The following TOP1 variants were observed in gnomAD, a reference collection of about 807,000 sequenced individuals.
TOP1 encodes DNA topoisomerase 1.
A neutral mutation model predicts 111.1 loss-of-function variants in TOP1; 10 were observed. The ratio of observed to expected loss-of-function variants is 0.09; its 90% CI spans 0.06 to 0.15. TOP1 has a LOEUF of 0.15. Ranked by LOEUF, TOP1 falls within the 10% of genes least tolerant of loss-of-function variation. The pLI is 1.00. For synonymous variants in TOP1, 271 were observed against 302.9 expected (o/e 0.89, Z 1.10); for missense variants, 474 against 926.7 (o/e 0.51, Z 6.34).
At chr20:41,087,905 CG>C (rs1568691705) in intron 8 of TOP1, among the ~76,000 whole-genome samples, 1 of 146,044 alleles carries the variant, frequency 6.8e-6, no homozygotes, top group East Asian at 3.8e-4. Flanking sequence ...GAAGCCATTT[CG>C]ATGTCTAAGT....
chr20:41,077,407 TA>T (rs985625010), intron 4 of TOP1, among the ~76,000 whole-genome samples, 174 bp from the exon 5 acceptor site: 15 of 152,210 alleles, frequency 9.9e-5, no homozygotes, highest in African/African-American at 3.4e-4. Flanking sequence ...GAAGAATTGT[TA>T]AAAACGAGTT....
At position 41,094,377 on chromosome 20, in the gene TOP1, C is replaced by T. The variant is rs546930274; in HGVS notation, c.730+1790C>T. 9.3e-4 allele frequency among the ~76,000 whole-genome samples: 142 copies of T among 152,258 alleles called. 2 individuals are homozygous for T. Among genetic ancestry groups the T allele is most frequent in the African/African-American group, 2.8e-3 (115 of 41,560 alleles). ...GCACCATCTCAAAGCGTAGGTATTCCGTAGGCCTGGTCTGGACTTACCAAG... is the reference window on the plus strand; with the variant it reads ...GCACCATCTCAAAGCGTAGGTATTCTGTAGGCCTGGTCTGGACTTACCAAG... On this transcript the variant is annotated intron_variant, in intron 9 of 20. Transcript: ENST00000361337. This position sits in a 1 kb window ranked among gnomAD's most constrained non-coding sequence, Gnocchi z 4.4.
intron 14 of TOP1, 71 bp from the exon 15 acceptor site, chr20:41,113,899 A>C (rs921935216): frequency 1.6e-5 from 19 of 1,201,942 alleles, no homozygotes; most frequent in African/African-American, 3.1e-5. Flanking sequence ...AAAAAAAAAA[A>C]CACAGAACGA....
intron 13 of TOP1, among the ~76,000 whole-genome samples, chr20:41,103,229 A>G (rs1381277437): frequency 6.6e-6 from 1 of 152,260 alleles, no homozygotes; most frequent in Non-Finnish European, 1.5e-5. Context: ...CATACCGCAC[A>G]TACATATACT....
chr20:41,036,932 G>A (rs1417551775), intron 2 of TOP1, among the ~76,000 whole-genome samples: 4 of 147,982 alleles, frequency 2.7e-5, no homozygotes, highest in South Asian at 4.2e-4. Context: ...CCAGGTTCAC[G>A]CCATTCTCCT....
intron 3 of TOP1, among the ~76,000 whole-genome samples, chr20:41,068,931 G>A (rs367886806): frequency 6.6e-6 from 1 of 152,164 alleles, no homozygotes; most frequent in Non-Finnish European, 1.5e-5. Context: ...CCTAGTTTTC[G>A]ACTCTGTGCA....
chr20:41,033,625 A>T (rs2033149430), intron 2 of TOP1, among the ~76,000 whole-genome samples: 1 of 152,162 alleles, frequency 6.6e-6, no homozygotes, highest in African/African-American at 2.4e-5. Context: ...CCCTGCTGCT[A>T]ATGGTATGGA....
intron 2 of TOP1, among the ~76,000 whole-genome samples, chr20:41,055,458 T>C (rs1210957932): frequency 6.6e-6 from 1 of 152,226 alleles, no homozygotes; most frequent in Non-Finnish European, 1.5e-5. Flanking sequence ...TAGATCTGTG[T>C]GCCCTTATTG....
intron 2 of TOP1, among the ~76,000 whole-genome samples, chr20:41,056,287 T>G (rs1323086409): frequency 6.6e-6 from 1 of 152,234 alleles, no homozygotes; most frequent in African/African-American, 2.4e-5. Context: ...ATTCTTTTAG[T>G]GGTTAGTTCT....
intron 7 of TOP1, 76 bp from the exon 8 acceptor site, chr20:41,084,386 T>C: frequency 1.2e-6 from 1 of 819,246 alleles, no homozygotes; most frequent in East Asian, 2.7e-5. Flanking sequence ...TTTTTCTTCC[T>C]CATGGCTCCC....
At position 41,078,799 on chromosome 20, in the gene TOP1, A is replaced by G. The variant is rs749138882; in HGVS notation, c.335+1162A>G. On this transcript the variant is annotated intron_variant, in intron 5 of 20. Coordinates refer to ENST00000361337, the MANE Select transcript of TOP1 (RefSeq NM_003286.4). The surrounding 1 kb of genome is among the most constrained non-coding windows in gnomAD (Gnocchi z 5.3). ...AGCCTTCTTTGAGGCAGTGGTCTCT[A>G]TGTTCACTTTGCTGGACTCCTTGCT... is the stretch of plus-strand genomic sequence containing the variant. Among the ~76,000 whole-genome samples, 5 of 152,188 alleles carry G rather than the reference A, an allele frequency of 3.3e-5. No individual in the cohort carries two copies. Among genetic ancestry groups the G allele is most frequent in the Admixed American group, 6.5e-5 (1 of 15,280 alleles).
At chr20:41,062,547 C>T (rs2033558525) in intron 3 of TOP1, among the ~76,000 whole-genome samples, 1 of 152,066 alleles carries the variant, frequency 6.6e-6, no homozygotes, top group Non-Finnish European at 1.5e-5. Context: ...GTTGAATCTA[C>T]TCTACATCTT....
At chr20:41,063,138 G>A (rs553668455) in intron 3 of TOP1, among the ~76,000 whole-genome samples, 5 of 152,208 alleles carry the variant, frequency 3.3e-5, no homozygotes, top group African/African-American at 1.2e-4. Flanking sequence ...CCATCTTTAT[G>A]TCCATGAGCA....
intron 9 of TOP1, among the ~76,000 whole-genome samples, chr20:41,096,155 C>CT (rs2033979299): frequency 2.0e-5 from 3 of 152,208 alleles, no homozygotes; most frequent in Admixed American, 2.0e-4. Flanking sequence ...CAACCCCTGC[C>CT]TCCTGGGTTC....
chr20:41,090,986 G>T (rs1353579972), intron 8 of TOP1, among the ~76,000 whole-genome samples: 3 of 152,112 alleles, frequency 2.0e-5, no homozygotes, highest in Non-Finnish European at 4.4e-5. Flanking sequence ...TAAAGACCCA[G>T]TTTGATTATT....
chr20:41,052,810 C>G (rs773238937), intron 2 of TOP1, among the ~76,000 whole-genome samples: 7 of 151,994 alleles, frequency 4.6e-5, no homozygotes, highest in Admixed American at 1.3e-4. Flanking sequence ...GGTAAACATG[C>G]TGAAACCCTA....
Position 41,061,396 on chromosome 20 carries a change from T to C in TOP1, c.61T>C (p.Ser21Pro). Reference sequence around the variant, plus strand: ...TGACTCATCTCTTATGGTTGCAGATTCTCATAAACACAAAGATAAACACAA... The same window carrying C: ...TGACTCATCTCTTATGGTTGCAGATCCTCATAAACACAAAGATAAACACAA... The part of the protein sequence containing the change: ...QIEADFRLND[S>P]HKHKDKHKDR... The change falls in exon 3 of 21, where the codon TCT becomes CCT. Residue 21 changes from serine (S) to proline (P), a missense_variant and splice_region_variant. Coordinates refer to ENST00000361337, the MANE Select transcript of TOP1 (RefSeq NM_003286.4). The surrounding 1 kb of genome is among the most constrained non-coding windows in gnomAD (Gnocchi z 4.6). The C allele has an allele frequency of 6.2e-7, 1 of 1,613,518 alleles. No homozygotes were observed. The highest frequency in any genetic ancestry group is 8.5e-7 in the Non-Finnish European group (1 of 1,179,634).
intron 8 of TOP1, among the ~76,000 whole-genome samples, chr20:41,089,271 C>T (rs188247974): frequency 1.3e-5 from 2 of 152,212 alleles, no homozygotes; most frequent in Admixed American, 1.3e-4. Flanking sequence ...GATGATCTGC[C>T]CGCCTTGGCC....
At chr20:41,088,368 G>A (rs2033873228) in intron 8 of TOP1, among the ~76,000 whole-genome samples, 1 of 152,144 alleles carries the variant, frequency 6.6e-6, no homozygotes, top group Non-Finnish European at 1.5e-5. Context: ...TGGGCGTGGT[G>A]GCGGGCACCT....
Sources: allele counts gnomAD v4.1 joint callset (sites outside exome capture counted in the v4.1 genomes callset), GRCh38; gene constraint gnomAD v4.1.1; non-coding constraint Gnocchi (gnomAD v3.1); transcripts MANE v1.5; gene names NCBI Gene and HGNC (gene_info 2026-07-23, HGNC 2026-07-21).